Variants in LRRTM4 observed in about 807,000 individuals in gnomAD.
LRRTM4 encodes the protein leucine-rich repeat transmembrane neuronal protein 4.
Under a neutral mutation model 47.6 loss-of-function variants are expected in LRRTM4, and 25 were observed. That is an observed-to-expected ratio of 0.53 (90% confidence interval 0.38 to 0.73). LRRTM4 has a LOEUF of 0.73. Among genes scored for constraint, LRRTM4 ranks in the 30% least tolerant of loss-of-function variants. The pLI is 0.00. For missense variants in LRRTM4, 638 were observed against 713.4 expected (o/e 0.89, Z 1.20); for synonymous variants, 311 against 269.5 (o/e 1.15, Z -1.51).
At chr2:76,962,685 T>G (rs1011628105) in intron 3 of LRRTM4, among the ~76,000 whole-genome samples, 1 of 150,546 alleles carries the variant, frequency 6.6e-6, no homozygotes, top group Non-Finnish European at 1.5e-5. Flanking sequence ...GTGAAATAAA[T>G]TTTAATATAA....
At chr2:77,116,763 A>G (rs937178300) in intron 3 of LRRTM4, among the ~76,000 whole-genome samples, 1 of 151,858 alleles carries the variant, frequency 6.6e-6, no homozygotes, top group African/African-American at 2.4e-5. Context: ...TCCCCCATAC[A>G]CTCAAACAAC....
chr2:77,307,534 T>C (rs894668680), intron 3 of LRRTM4, among the ~76,000 whole-genome samples: 1 of 140,336 alleles, frequency 7.1e-6, no homozygotes, highest in East Asian at 2.1e-4. Context: ...ATATAATATA[T>C]AGATATATCT....
chr2:77,458,855 A>C (rs1313087147), intron 3 of LRRTM4, among the ~76,000 whole-genome samples: 1 of 151,668 alleles, frequency 6.6e-6, no homozygotes, highest in East Asian at 1.9e-4. Flanking sequence ...ATGAGGCAGA[A>C]ATTTTAAATA....
chr2:77,136,137 C>G (rs1447019396), intron 3 of LRRTM4, among the ~76,000 whole-genome samples: 2 of 152,080 alleles, frequency 1.3e-5, no homozygotes, highest in Non-Finnish European at 2.9e-5. Context: ...TAGTGGTTCT[C>G]CCAGCATGGA....
intron 3 of LRRTM4, among the ~76,000 whole-genome samples, chr2:76,969,809 A>G (rs894735368): frequency 6.6e-6 from 1 of 151,988 alleles, no homozygotes. Context: ...CACAACCAAC[A>G]CAAGAGTTGG....
intron 3 of LRRTM4, among the ~76,000 whole-genome samples, chr2:77,010,899 C>T (rs1573448045): frequency 1.3e-5 from 2 of 152,072 alleles, no homozygotes; most frequent in South Asian, 2.1e-4. Flanking sequence ...TTTTACTTCA[C>T]CATTCTTAAC....
chr2:77,476,964 ATGTGTG>A (rs59247356), intron 3 of LRRTM4, among the ~76,000 whole-genome samples: 8,831 of 143,736 alleles, frequency 0.061, 306 homozygotes, highest in Middle Eastern at 0.12. Flanking sequence ...TTTGTAAGAG[ATGTGTG>A]TGTGTGTGTG....
In LRRTM4 at chr2:77,023,886, T is replaced by G. The variant is rs532430115; in HGVS notation, c.1552-274970A>C. On this transcript the variant is annotated intron_variant, in intron 3 of 3. Coordinates refer to ENST00000409884, the MANE Select transcript of LRRTM4 (RefSeq NM_001134745.3). Reference sequence around the variant, plus strand: ...AGGTATCTTTTCAGCAATGCCCCACTCTAGTGGTACCAATTTACTGTATTA... The same window carrying G: ...AGGTATCTTTTCAGCAATGCCCCACGCTAGTGGTACCAATTTACTGTATTA... Among the ~76,000 whole-genome samples the G allele has an allele frequency of 4.6e-5, 7 of 152,230 alleles. No homozygotes were observed. The East Asian group carries it at 1.4e-3, about 29-fold the overall frequency.
chr2:76,749,338 AATGT>A (rs1672767327), intron 3 of LRRTM4, among the ~76,000 whole-genome samples: 4 of 152,190 alleles, frequency 2.6e-5, no homozygotes, highest in Non-Finnish European at 5.9e-5. Context: ...GGTGCAAAAG[AATGT>A]ATGGTATGAT....
intron 3 of LRRTM4, among the ~76,000 whole-genome samples, chr2:77,353,792 T>G (rs1671871150): frequency 6.6e-6 from 1 of 152,144 alleles, no homozygotes; most frequent in Admixed American, 6.5e-5. Flanking sequence ...CCAACTGATA[T>G]GAAATGCAGC....
intron 3 of LRRTM4, among the ~76,000 whole-genome samples, chr2:77,323,422 C>T (rs1197216425): frequency 1.3e-5 from 2 of 152,106 alleles, no homozygotes; most frequent in Non-Finnish European, 2.9e-5. Context: ...GAGGCTCTAA[C>T]ATTTTTTTGG....
intron 3 of LRRTM4, among the ~76,000 whole-genome samples, chr2:76,901,319 G>A (rs538557071): frequency 6.6e-6 from 1 of 152,180 alleles, no homozygotes; most frequent in Non-Finnish European, 1.5e-5. Flanking sequence ...TTCTGTTCCT[G>A]CATTAGTTTG....
At chr2:77,022,979 G>T (rs1678327613) in intron 3 of LRRTM4, among the ~76,000 whole-genome samples, 1 of 152,232 alleles carries the variant, frequency 6.6e-6, no homozygotes, top group South Asian at 2.1e-4. Context: ...CACTGCCCTA[G>T]CAAAGGTTCT....
At chr2:77,512,544 A>T (rs1679060838) in intron 3 of LRRTM4, among the ~76,000 whole-genome samples, 2 of 152,140 alleles carry the variant, frequency 1.3e-5, no homozygotes, top group Non-Finnish European at 2.9e-5. Flanking sequence ...CAAAACTCTC[A>T]GTGTCTAGTG....
At chr2:76,870,195 T>C (rs1672583648) in intron 3 of LRRTM4, among the ~76,000 whole-genome samples, 1 of 152,188 alleles carries the variant, frequency 6.6e-6, no homozygotes, top group African/African-American at 2.4e-5. Context: ...TTGCTCAGCA[T>C]TTTTGCATAC....
intron 3 of LRRTM4, among the ~76,000 whole-genome samples, chr2:77,019,033 A>C (rs925255616): frequency 6.6e-6 from 1 of 152,066 alleles, no homozygotes; most frequent in African/African-American, 2.4e-5. Context: ...AGTGAATTTG[A>C]ATCTCTAGTC....
chr2:77,025,034 T>A (rs1034373718), intron 3 of LRRTM4, among the ~76,000 whole-genome samples: 52 of 152,184 alleles, frequency 3.4e-4, no homozygotes, highest in African/African-American at 1.2e-3. Context: ...AGTCAAAGCA[T>A]TTATATTTTC....
chr2:76,960,282 G>A (rs779448851), intron 3 of LRRTM4, among the ~76,000 whole-genome samples: 1 of 151,586 alleles, frequency 6.6e-6, no homozygotes, highest in African/African-American at 2.4e-5. Flanking sequence ...AGAGATAACA[G>A]TATATGTATT....
intron 3 of LRRTM4, among the ~76,000 whole-genome samples, chr2:77,470,895 G>T (rs1179307960): frequency 8.6e-5 from 13 of 151,992 alleles, no homozygotes; most frequent in African/African-American, 2.9e-4. Context: ...TAAGTATAAA[G>T]ACTTAAGACC....
Sources: allele counts gnomAD v4.1 joint callset (sites outside exome capture counted in the v4.1 genomes callset), GRCh38; gene constraint gnomAD v4.1.1; transcripts MANE v1.5; gene names NCBI Gene and HGNC (gene_info 2026-07-23, HGNC 2026-07-21).